UXS1: variants seen among roughly 807,000 people sequenced by gnomAD.
UXS1 encodes the protein UDP-glucuronate decarboxylase 1, also known as UDP-glucuronic acid decarboxylase 1.
Under a neutral mutation model 62.6 loss-of-function variants are expected in UXS1, and 33 were observed. The observed-to-expected ratio is 0.53, with a 90% CI of 0.40 to 0.70. The LOEUF (loss-of-function observed/expected upper bound fraction) is 0.70. Among genes scored for constraint, UXS1 ranks in the 30% least tolerant of loss-of-function variants. The pLI, the probability that UXS1 is intolerant of heterozygous loss-of-function variation, is 0.00. For missense variants in UXS1, 434 were observed against 556.3 expected, an observed-to-expected ratio of 0.78 and a Z score of 2.21; for synonymous variants, 213 against 206.8, an observed-to-expected ratio of 1.03 and a Z score of -0.26.
At chr2:106,123,672 G>A (rs896259826) in intron 8 of UXS1, among the ~76,000 whole-genome samples, 3 of 152,102 alleles carry the variant, frequency 2.0e-5, no homozygotes, top group Admixed American at 6.5e-5. Flanking sequence ...TTTCTCTAGC[G>A]TATAAATCAA....
At chr2:106,188,955 T>C (rs1172198231) in intron 1 of UXS1, among the ~76,000 whole-genome samples, 2 of 152,108 alleles carry the variant, frequency 1.3e-5, no homozygotes, top group Non-Finnish European at 2.9e-5. Context: ...CTCTTATACA[T>C]GAAAAAGTAT....
At chr2:106,143,286 G>A (rs561933218) in intron 6 of UXS1, among the ~76,000 whole-genome samples, 42 of 151,658 alleles carry the variant, frequency 2.8e-4, no homozygotes, top group African/African-American at 9.7e-4. Flanking sequence ...GCAAGTGCCT[G>A]TAGTCCCAGC....
intron 1 of UXS1, among the ~76,000 whole-genome samples, chr2:106,190,093 G>C (rs1442034123): frequency 6.6e-6 from 1 of 152,220 alleles, no homozygotes; most frequent in Non-Finnish European, 1.5e-5. Flanking sequence ...GAACATCATG[G>C]GGGAAGACGC....
intron 1 of UXS1, among the ~76,000 whole-genome samples, chr2:106,174,661 G>A (rs1315864270): frequency 1.3e-5 from 2 of 152,232 alleles, no homozygotes; most frequent in African/African-American, 4.8e-5. Context: ...CCTGGGGAGG[G>A]CCTAGTAACA....
At position 106,164,722 on chromosome 2, in the gene UXS1, G is replaced by T; in HGVS notation, c.186+14C>A. On this transcript the variant is annotated intron_variant, in intron 3 of 14. Transcript: ENST00000283148. ...TACAGATGAAATAGATACAAAAATA[G>T]AAAAAAGACTAACCTCTTCAATCTT... is the stretch of plus-strand genomic sequence containing the variant. 6.5e-7 allele frequency: 1 copy of T among 1,547,332 alleles called. No individual in the cohort carries two copies. Among genetic ancestry groups the T allele is most frequent in the South Asian group, 1.2e-5 (1 of 83,324 alleles).
At chr2:106,181,840 G>C (rs1407459895) in intron 1 of UXS1, among the ~76,000 whole-genome samples, 1 of 152,184 alleles carries the variant, frequency 6.6e-6, no homozygotes, top group Non-Finnish European at 1.5e-5. Flanking sequence ...TGCTAACGCT[G>C]GGATCCAACG....
chr2:106,182,759 T>G (rs1339097765), intron 1 of UXS1, among the ~76,000 whole-genome samples: 1 of 149,632 alleles, frequency 6.7e-6, no homozygotes, highest in Non-Finnish European at 1.5e-5. Context: ...CACTGCAGGA[T>G]AGTTGGGTGC....
At position 106,168,772 on chromosome 2, in the gene UXS1, A is replaced by G. The variant is rs186274050; in HGVS notation, c.95-2689T>C. The stretch of plus-strand genomic sequence containing the variant: ...AAATTGTCATACAGCCATTTGATGA[A>G]ATCAGAAAGCCATTAAATATGACCA... On this transcript the variant is annotated intron_variant, in intron 1 of 14. Coordinates refer to ENST00000283148, the MANE Select transcript of UXS1 (RefSeq NM_001253875.2). Among the ~76,000 whole-genome samples the G allele has an allele frequency of 2.3e-3, 356 of 152,348 alleles. 2 individuals carry two copies. The highest frequency in any genetic ancestry group is 8.2e-3 in the African/African-American group (342 of 41,586).
intron 4 of UXS1, among the ~76,000 whole-genome samples, chr2:106,162,092 T>C (rs927758868): frequency 2.0e-5 from 3 of 152,194 alleles, no homozygotes; most frequent in African/African-American, 7.2e-5. Flanking sequence ...AGGCCTACGC[T>C]TGACCTTCTG....
intron 1 of UXS1, among the ~76,000 whole-genome samples, chr2:106,178,698 C>A (rs1344264928): frequency 6.6e-6 from 1 of 152,066 alleles, no homozygotes; most frequent in Non-Finnish European, 1.5e-5. Flanking sequence ...GGAGTAGGGC[C>A]CATGGGGCAC....
chr2:106,108,855 TACCTTCTCCTAGG>T (rs1259618709), intron 10 of UXS1, among the ~76,000 whole-genome samples: 21 of 152,148 alleles, frequency 1.4e-4, no homozygotes, highest in African/African-American at 5.1e-4. Context: ...CAGCCTCGAG[TACCTTCTCCTAGG>T]CCCATTTGTG....
At chr2:106,186,389 C>T (rs940705504) in intron 1 of UXS1, among the ~76,000 whole-genome samples, 5 of 151,698 alleles carry the variant, frequency 3.3e-5, no homozygotes, top group African/African-American at 1.2e-4. Context: ...CATAAGGAAA[C>T]AATCAGACAA....
At chr2:106,114,932 G>A (rs571511824) in intron 9 of UXS1, among the ~76,000 whole-genome samples, 5 of 152,314 alleles carry the variant, frequency 3.3e-5, no homozygotes, top group Admixed American at 2.6e-4. Flanking sequence ...TCTCCTCTGG[G>A]ATGATGGTGT....
At chr2:106,096,630 G>A in intron 14 of UXS1, 88 bp downstream of exon 14, 1 of 1,271,118 alleles carries the variant, frequency 7.9e-7, no homozygotes, top group Non-Finnish European at 1.1e-6. Flanking sequence ...TCCGGGGGCT[G>A]TCTGACAAGG....
At position 106,163,581 on chromosome 2, in the gene UXS1, G is replaced by A. The variant is rs756968726; in HGVS notation, c.230+86C>T. 218 of 869,644 alleles carry A rather than the reference G, an allele frequency of 2.5e-4. 1 individual carries two copies. Among genetic ancestry groups the A allele is most frequent in the Non-Finnish European group, 3.4e-4 (210 of 623,586 alleles). The allele number at this position is 869,644 out of a possible 1,614,324, so 53.9% of individuals were successfully genotyped here. ...ATACAGACATTTATTTAGGTTGGCA[G>A]AGTTTGGAGCAAACAAACAGAATTA... On this transcript the variant is annotated intron_variant, in intron 4 of 14. Coordinates refer to ENST00000283148, the MANE Select transcript of UXS1 (RefSeq NM_001253875.2).
intron 1 of UXS1, among the ~76,000 whole-genome samples, chr2:106,192,797 T>C (rs1573608652): frequency 6.6e-6 from 1 of 152,244 alleles, no homozygotes; most frequent in Non-Finnish European, 1.5e-5. Flanking sequence ...ACCTCTAAAA[T>C]AGGAATCATT....
intron 6 of UXS1, among the ~76,000 whole-genome samples, chr2:106,144,200 A>G (rs1681373533): frequency 6.6e-6 from 1 of 152,234 alleles, no homozygotes; most frequent in South Asian, 2.1e-4. Context: ...TATAATCTAC[A>G]TAGCCTGTTA....
chr2:106,163,771 C>A, intron 3 of UXS1, 61 bp from the exon 4 acceptor site: 1 of 1,108,772 alleles, frequency 9.0e-7, no homozygotes, highest in Non-Finnish European at 1.2e-6. Flanking sequence ...ACCCCTTTCA[C>A]CCCATTCTGA....
At chr2:106,145,477 T>C in intron 5 of UXS1, 107 bp from the exon 6 acceptor site, 1 of 1,385,148 alleles carries the variant, frequency 7.2e-7, no homozygotes, top group Non-Finnish European at 9.6e-7. Flanking sequence ...GACTTAAAAC[T>C]CAGGAGCAAG....
Sources: gnomAD v4.1 joint callset for allele counts (sites outside exome capture counted in the v4.1 genomes callset) on GRCh38, gnomAD v4.1.1 for gene constraint, MANE v1.5 for transcripts, NCBI Gene and HGNC (gene_info 2026-07-23, HGNC 2026-07-21) for gene names.